FGF13: variants seen among roughly 807,000 people sequenced by gnomAD.
FGF13 encodes the protein fibroblast growth factor 13, also known as fibroblast growth factor homologous factor 2.
A neutral mutation model predicts 19.5 loss-of-function variants in FGF13; 2 were observed. The ratio of observed to expected loss-of-function variants is 0.10; its 90% confidence interval spans 0.04 to 0.32. The LOEUF is 0.32. FGF13 is among the 10% of genes least tolerant of loss of function. The pLI, the probability that FGF13 is intolerant of heterozygous loss-of-function variation, is 1.00. For missense variants in FGF13, 113 were observed against 192.7 expected (o/e 0.59, Z 2.45); for synonymous variants, 72 against 76.9 (o/e 0.94, Z 0.33).
intron 3 of FGF13, among the ~76,000 whole-genome samples, chrX:138,830,587 G>T (rs139833227): frequency 0.038 from 4,200 of 110,235 alleles, 221 homozygotes; most frequent in African/African-American, 0.13. Context: ...TAAGAGAAAA[G>T]AAATTACTTA....
upstream of FGF13, among the ~76,000 whole-genome samples, chrX:138,743,507 C>T (rs1333672594): frequency 9.0e-6 from 1 of 111,067 alleles, no homozygotes; most frequent in East Asian, 2.9e-4. Flanking sequence ...CAAGAGCAAG[C>T]CCTTATGTAA....
chrX:139,064,253 T>A (rs1048703528), intron 1 of FGF13, among the ~76,000 whole-genome samples: 1 of 103,638 alleles, frequency 9.6e-6, no homozygotes, highest in African/African-American at 3.4e-5. Flanking sequence ...TCCAGTTTAA[T>A]AAGCATAGAG....
chrX:139,106,681 G>A (rs2083562689), intron 1 of FGF13, among the ~76,000 whole-genome samples: 1 of 112,359 alleles, frequency 8.9e-6, no homozygotes, highest in Non-Finnish European at 1.9e-5. Flanking sequence ...CAAAGACAGT[G>A]ACTTCTAAGA....
chrX:139,000,634 G>A (rs2092068668), intron 1 of FGF13, among the ~76,000 whole-genome samples: 1 of 111,514 alleles, frequency 9.0e-6, no homozygotes, highest in African/African-American at 3.3e-5. Context: ...TACAAGGGAT[G>A]TGAAGGACCT....
At chrX:138,802,631 A>G (rs1357965293) in intron 3 of FGF13, among the ~76,000 whole-genome samples, 1 of 111,532 alleles carries the variant, frequency 9.0e-6, no homozygotes, top group African/African-American at 3.3e-5. Flanking sequence ...CTTGGCTTCT[A>G]TGACATTGTG....
intron 1 of FGF13, among the ~76,000 whole-genome samples, chrX:138,940,189 T>A (rs1384799385): frequency 8.9e-6 from 1 of 111,954 alleles, no homozygotes. Flanking sequence ...AGCTTTTTTT[T>A]ATATCCTTAT....
chrX:138,831,811 C>T (rs1177899289), intron 3 of FGF13, among the ~76,000 whole-genome samples: 2 of 111,112 alleles, frequency 1.8e-5, no homozygotes, highest in Non-Finnish European at 3.8e-5. Flanking sequence ...GTTATTTTTG[C>T]TGATCCTCTC....
intron 1 of FGF13, among the ~76,000 whole-genome samples, chrX:139,159,655 C>CAAAAAA (rs550001786): frequency 0.014 from 700 of 51,613 alleles, 36 homozygotes; most frequent in African/African-American, 0.05. Flanking sequence ...AAAGAGAAAG[C>CAAAAAA]AAAAAAAAAA....
At chrX:138,824,716 GA>G (rs2091022536) in intron 3 of FGF13, among the ~76,000 whole-genome samples, 11 of 111,341 alleles carry the variant, frequency 9.9e-5, no homozygotes, top group Admixed American at 5.7e-4. Context: ...TATATTCAAA[GA>G]GCCCATGATA....
At position 138,618,942 on chromosome X, in the gene FGF13, C is replaced by G. The variant is rs1345799062; in HGVS notation, c.*13908G>C. 9.0e-6 allele frequency: 1 copy of G among 111,212 alleles called. No individual in the cohort carries two copies. Among genetic ancestry groups the G allele is most frequent in the African/African-American group, 3.3e-5 (1 of 30,509 alleles). The allele number at this position is 111,212 out of a possible 1,213,427, so 9.2% of individuals were successfully genotyped here. A position where few individuals can be genotyped will look rare whatever the true frequency, so the allele number is the denominator to read the frequency against. The stretch of plus-strand genomic sequence containing the variant: ...GCTAACTGGTATAACTGTTTCTCTT[C>G]TGAAGCCAGTCAGTATAGGCTGAAG... On this transcript the variant is annotated 3_prime_UTR_variant, in exon 5 of 5. Transcript: ENST00000315930.
intron 1 of FGF13, among the ~76,000 whole-genome samples, chrX:138,988,235 A>T (rs2092001291): frequency 8.9e-6 from 1 of 112,187 alleles, no homozygotes; most frequent in African/African-American, 3.2e-5. Context: ...CCCTGGCTCC[A>T]ACTAGCCATA....
intron 3 of FGF13, among the ~76,000 whole-genome samples, chrX:138,782,159 G>C (rs1380707934): frequency 7.2e-5 from 8 of 111,836 alleles, no homozygotes; most frequent in African/African-American, 1.3e-4. Context: ...GGACATATTT[G>C]AAAATAATAA....
In FGF13 at chrX:139,055,887, A is replaced by T. The variant is rs188810324; in HGVS notation, c.-113+147529T>A. 5.9e-3 allele frequency among the ~76,000 whole-genome samples: 660 copies of T among 112,637 alleles called. 2 individuals are homozygous for T. Among genetic ancestry groups the T allele is most frequent in the Middle Eastern group, 0.014 (3 of 217 alleles). Reference sequence around the variant, plus strand: ...TTCAAACTAATGTCTTATCTTTCTTAGTGCCTCAAAACTAGGTCCTGTTCA... The same window carrying T: ...TTCAAACTAATGTCTTATCTTTCTTTGTGCCTCAAAACTAGGTCCTGTTCA... On this transcript the variant is annotated intron_variant, in intron 1 of 2. Transcript: ENST00000421460.
chrX:138,687,904 G>A (rs1048772765), intron 3 of FGF13, among the ~76,000 whole-genome samples: 2 of 110,817 alleles, frequency 1.8e-5, no homozygotes, highest in African/African-American at 6.6e-5. Flanking sequence ...CAGACACAGG[G>A]AGACAAATAC....
At chrX:138,751,996 C>T (rs1178227441) in intron 3 of FGF13, among the ~76,000 whole-genome samples, 1 of 111,703 alleles carries the variant, frequency 9.0e-6, no homozygotes, top group East Asian at 2.8e-4. Flanking sequence ...CAGGTTCACA[C>T]AGTAAGTAGA....
intron 1 of FGF13, among the ~76,000 whole-genome samples, chrX:138,876,005 C>T (rs976059043): frequency 6.6e-5 from 7 of 106,705 alleles, no homozygotes; most frequent in Non-Finnish European, 1.1e-4. Context: ...TACACACACA[C>T]ACACACACAC....
chrX:138,845,570 T>A (rs1423987617), intron 3 of FGF13, among the ~76,000 whole-genome samples: 1 of 111,858 alleles, frequency 8.9e-6, no homozygotes, highest in Non-Finnish European at 1.9e-5. Flanking sequence ...TATATTTAAA[T>A]GGAGTCCTGA....
chrX:138,682,440 A>C (rs774794776), intron 3 of FGF13, among the ~76,000 whole-genome samples: 6 of 112,687 alleles, frequency 5.3e-5, no homozygotes, highest in Non-Finnish European at 1.1e-4. Flanking sequence ...TTCCTCTGTT[A>C]ATATCAGAGG....
At chrX:138,808,674 C>G (rs1437311392) in intron 3 of FGF13, among the ~76,000 whole-genome samples, 2 of 106,129 alleles carry the variant, frequency 1.9e-5, no homozygotes, top group Non-Finnish European at 3.8e-5. Context: ...ACAAGATCAA[C>G]AAAATCACTA....
Sources: gnomAD v4.1 joint callset for allele counts (sites outside exome capture counted in the v4.1 genomes callset) on GRCh38, gnomAD v4.1.1 for gene constraint, MANE v1.5 for transcripts, NCBI Gene and HGNC (gene_info 2026-07-23, HGNC 2026-07-21) for gene names.